TAS1R1: variants seen among roughly 807,000 people sequenced by gnomAD.
TAS1R1 encodes taste 1 receptor member 1.
A neutral mutation model predicts 45.8 loss-of-function variants in TAS1R1; 31 were observed. The observed-to-expected ratio is 0.68, with a 90% CI of 0.51 to 0.91. TAS1R1 has a LOEUF of 0.91. Among genes scored for constraint, TAS1R1 ranks in the 40% least tolerant of loss-of-function variants. The probability of loss-of-function intolerance (pLI) is 0.00; values close to 1 mark genes in which losing one functional copy is unlikely to be tolerated. For synonymous variants in TAS1R1, 437 were observed against 448.4 expected, an observed-to-expected ratio of 0.97 and a Z score of 0.32; for missense variants, 1,051 against 1,063.9, an observed-to-expected ratio of 0.99 and a Z score of 0.17.
intron 1 of TAS1R1, among the ~76,000 whole-genome samples, chr1:6,559,016 G>T (rs1397863845): frequency 6.6e-6 from 1 of 151,596 alleles, no homozygotes; most frequent in Non-Finnish European, 1.5e-5. Flanking sequence ...CTCAGCCTCC[G>T]GAATACCTGG....
At chr1:6,572,645 T>C (rs1011692096) in intron 2 of TAS1R1, among the ~76,000 whole-genome samples, 4 of 152,046 alleles carry the variant, frequency 2.6e-5, no homozygotes, top group African/African-American at 7.2e-5. Context: ...TGGCTTTCAC[T>C]TGCAGCTCTT....
Position 6,574,932 on chromosome 1 carries a change from G to T in TAS1R1, c.800G>T (p.Gly267Val). 1 of 1,612,836 alleles carries T rather than the reference G, an allele frequency of 6.2e-7. No homozygotes were observed. Among genetic ancestry groups the T allele is most frequent in the Non-Finnish European group, 8.5e-7 (1 of 1,178,988 alleles). Residue 267 changes from glycine to valine, a missense_variant, in exon 3 of 6, where the codon GGG (glycine) becomes GTG (valine). Transcript: ENST00000333172. This position sits in a 1 kb window ranked among gnomAD's most constrained non-coding sequence, Gnocchi z 4.3. ...QCLMRHLAQA[G>V]ATVVVVFSSR... ...CTCATGCGCCACCTGGCCCAGGCCGGGGCCACCGTCGTGGTTGTTTTTTCC... is the reference window on the plus strand; with the variant it reads ...CTCATGCGCCACCTGGCCCAGGCCGTGGCCACCGTCGTGGTTGTTTTTTCC...
chr1:6,566,539 C>T lies in TAS1R1; in HGVS notation c.192-4370C>T, dbSNP rs1276036292. 2.0e-5 allele frequency among the ~76,000 whole-genome samples: 3 copies of T among 152,032 alleles called. No individual in the cohort carries two copies. The East Asian group carries it at 5.8e-4, about 29-fold the overall frequency. On this transcript the variant is annotated intron_variant, in intron 1 of 5. Coordinates refer to ENST00000333172, the MANE Select transcript of TAS1R1 (RefSeq NM_138697.4). ...AGACCACGTGAGCAGAGCTTGTTTA[C>T]GATGGGCTGTAGACCCTTTTGGTGG...
intron 1 of TAS1R1, among the ~76,000 whole-genome samples, chr1:6,569,988 C>T (rs1327130285): frequency 7.3e-6 from 1 of 137,314 alleles, no homozygotes; most frequent in Non-Finnish European, 1.6e-5. Context: ...AAGGCTCTAG[C>T]ACACAGCCAG....
rs1281515257 is a variant in TAS1R1, at chr1:6,574,794, G to C, written c.662G>C (p.Gly221Ala). The C allele has an allele frequency of 2.0e-5, 33 of 1,614,260 alleles. No homozygotes were observed. Among genetic ancestry groups the C allele is most frequent in the Non-Finnish European group, 2.5e-5 (30 of 1,180,054 alleles). Residue 221 changes from glycine to alanine, a missense_variant, in exon 3 of 6, where the codon GGG becomes GCG. Transcript: ENST00000333172. This position sits in a 1 kb window ranked among gnomAD's most constrained non-coding sequence, Gnocchi z 4.3. ...ISLVGSSDDY[G>A]QLGVQALENQ... ...CTGGTTGGCAGCAGTGACGACTATG[G>C]GCAGCTAGGGGTGCAGGCACTGGAG...
intron 1 of TAS1R1, 118 bp from the exon 2 acceptor site, chr1:6,570,791 G>A: frequency 1.2e-6 from 1 of 861,950 alleles, no homozygotes; most frequent in South Asian, 1.8e-5. Context: ...GTGGTTTGGG[G>A]GACTGGACCG....
chr1:6,576,928 TG>T, intron 4 of TAS1R1, 21 bp from the exon 5 acceptor site: 1 of 1,614,214 alleles, frequency 6.2e-7, no homozygotes, highest in African/African-American at 1.3e-5. Flanking sequence ...CCCCTACGTG[TG>T]GCCCCTCTGG....
chr1:6,563,789 T>C (rs879271582), intron 1 of TAS1R1, among the ~76,000 whole-genome samples: 4 of 151,996 alleles, frequency 2.6e-5, no homozygotes, highest in Non-Finnish European at 5.9e-5. Flanking sequence ...AGTAAATAAG[T>C]GTGTTTCATC....
At position 6,577,120 on chromosome 1, in the gene TAS1R1, A is replaced by G; in HGVS notation, c.1594+50A>G. 1.2e-6 allele frequency: 2 copies of G among 1,609,814 alleles called. 1 individual carries two copies. The highest frequency in any genetic ancestry group is 2.2e-5 in the South Asian group (2 of 90,758). On this transcript the variant is annotated intron_variant, in intron 5 of 5. Transcript: ENST00000333172. ...GCTACCCAGCACTCCCGGGGGCTGC[A>G]CGGTGGAGGGAGGGCCTCCCTTGGG... is the stretch of plus-strand genomic sequence containing the variant.
chr1:6,561,331 T>G (rs1639784237), intron 1 of TAS1R1, among the ~76,000 whole-genome samples: 1 of 152,152 alleles, frequency 6.6e-6, no homozygotes, highest in Non-Finnish European at 1.5e-5. Flanking sequence ...GAAACAGCAC[T>G]CTTCTCCTAA....
chr1:6,568,543 G>A (rs529442842), intron 1 of TAS1R1, among the ~76,000 whole-genome samples: 1 of 152,288 alleles, frequency 6.6e-6, no homozygotes, highest in Non-Finnish European at 1.5e-5. Flanking sequence ...TCTGTAAGGC[G>A]GGAAAGGAAT....
chr1:6,568,799 T>G (rs1639935216), intron 1 of TAS1R1, among the ~76,000 whole-genome samples: 1 of 152,198 alleles, frequency 6.6e-6, no homozygotes, highest in Non-Finnish European at 1.5e-5. Context: ...CAAGCCACAC[T>G]CTTTCCTTCT....
At chr1:6,569,158 G>A (rs1167628026) in intron 1 of TAS1R1, among the ~76,000 whole-genome samples, 2 of 147,660 alleles carry the variant, frequency 1.4e-5, no homozygotes, top group Non-Finnish European at 3.0e-5. Flanking sequence ...TAAGGTGGGG[G>A]ATTGGGGTGG....
At chr1:6,562,179 T>C (rs1432053029) in intron 1 of TAS1R1, among the ~76,000 whole-genome samples, 3 of 152,160 alleles carry the variant, frequency 2.0e-5, no homozygotes, top group Non-Finnish European at 4.4e-5. Context: ...GTTTTTTTGT[T>C]TGTTTTTGAG....
intron 2 of TAS1R1, among the ~76,000 whole-genome samples, chr1:6,573,848 A>G (rs982582643): frequency 3.3e-5 from 5 of 151,874 alleles, no homozygotes; most frequent in African/African-American, 1.2e-4. Flanking sequence ...TATTTTTAGT[A>G]GAGACGGGGT....
chr1:6,579,028 T>C lies in TAS1R1; in HGVS notation c.1970T>C (p.Ile657Thr). The C allele has an allele frequency of 6.2e-7, 1 of 1,613,378 alleles. No homozygotes were observed. The highest frequency in any genetic ancestry group is 8.5e-7 in the Non-Finnish European group (1 of 1,179,410). Residue 657 changes from isoleucine to threonine, a missense_variant, in exon 6 of 6, where the codon ATC becomes ACC. Transcript: ENST00000333172. ...CTGACAGTTCGCTCATTCCAACTAATCATCATCTTCAAGTTTTCCACCAAG... is the reference window on the plus strand; with the variant it reads ...CTGACAGTTCGCTCATTCCAACTAACCATCATCTTCAAGTTTTCCACCAAG... ...SCLTVRSFQL[I>T]IIFKFSTKVP... is the part of the protein sequence containing the mutation.
In TAS1R1 at chr1:6,578,726, T is replaced by C. The variant is rs144028640; in HGVS notation, c.1668T>C (p.Thr556=). Residue 556 remains threonine, a synonymous_variant, in exon 6 of 6, where the codon ACT becomes ACC. Transcript: ENST00000333172. The stretch of plus-strand genomic sequence containing the variant: ...GAAGCCAGACCTGCTTCCCGCGCAC[T>C]GTGGTGTTTTTGGCTTTGCGTGAGC... ...PEGSQTCFPR[T]VVFLALREHT... is the part of the protein sequence containing the mutation. The C allele has an allele frequency of 4.7e-5, 76 of 1,613,224 alleles. No homozygotes were observed. Among genetic ancestry groups the C allele is most frequent in the Middle Eastern group, 3.3e-4 (2 of 6,076 alleles).
rs1640105411 is a variant in TAS1R1, at chr1:6,574,556, C to G, written c.499-75C>G. ...CTGGTCTCCCCGGCTCCCTGTATCC[C>G]CACACCCAGCACAGGGCCAGGCACT... On this transcript the variant is annotated intron_variant, in intron 2 of 5. Transcript: ENST00000333172. This position sits in a 1 kb window ranked among gnomAD's most constrained non-coding sequence, Gnocchi z 4.3. 2.0e-6 allele frequency: 3 copies of G among 1,518,458 alleles called. No homozygotes were observed. In the Admixed American group the frequency reaches 6.2e-5, roughly 31 times the overall value. The allele number at this position is 1,518,458 out of a possible 1,614,324, so 94.1% of individuals were successfully genotyped here.
At chr1:6,559,762 G>A (rs973286859) in intron 1 of TAS1R1, among the ~76,000 whole-genome samples, 3 of 151,570 alleles carry the variant, frequency 2.0e-5, no homozygotes, top group Non-Finnish European at 2.9e-5. Flanking sequence ...GGGCCGAAGC[G>A]GATGGATCAC....
Sources: allele counts gnomAD v4.1 joint callset (sites outside exome capture counted in the v4.1 genomes callset), GRCh38; gene constraint gnomAD v4.1.1; non-coding constraint Gnocchi (gnomAD v3.1); transcripts MANE v1.5; gene names NCBI Gene and HGNC (gene_info 2026-07-23, HGNC 2026-07-21).